The following SLC35A3 variants were observed in gnomAD, a reference collection of about 807,000 sequenced individuals.
SLC35A3 encodes the protein solute carrier family 35 member A3, also known as UDP-N-acetylglucosamine transporter.
A neutral mutation model predicts 39.0 loss-of-function variants in SLC35A3; 26 were observed. The observed-to-expected ratio is 0.67, with a 90% CI of 0.49 to 0.92. The LOEUF (loss-of-function observed/expected upper bound fraction) is 0.92, where lower values mean the gene tolerates loss of function less well. Ranked by LOEUF, SLC35A3 falls within the 40% of genes least tolerant of loss-of-function variation. The pLI is 0.00. For synonymous variants in SLC35A3, 135 were observed against 133.1 expected, an observed-to-expected ratio of 1.01 and a Z score of -0.10; for missense variants, 299 against 371.6, an observed-to-expected ratio of 0.80 and a Z score of 1.61.
chr1:100,019,728 C>G (rs1027345311), intron 7 of SLC35A3, among the ~76,000 whole-genome samples: 1 of 152,156 alleles, frequency 6.6e-6, no homozygotes, highest in Non-Finnish European at 1.5e-5. Context: ...TCCTTGCTCA[C>G]TCTCTTGGCT....
rs1322732034 is a variant in SLC35A3, at chr1:99,988,742, CTCTCTCCTCCCCT to C, written c.-18-4785_-18-4773del. Among the ~76,000 whole-genome samples, 45 of 151,132 alleles carry C rather than the reference CTCTCTCCTCCCCT, an allele frequency of 3.0e-4. No individual in the cohort carries two copies. In the East Asian group the frequency reaches 8.6e-3, roughly 29 times the overall value. ...TCTCCTCTCCCCTCCCCTTCCCCTC[CTCTCTCCTCCCCT>C]TCTCTCCTCTCTCCTATACTCTTTT... On this transcript the variant is annotated intron_variant, in intron 1 of 7. Transcript: ENST00000533028.
In SLC35A3 at chr1:100,007,176, A is replaced by C; in HGVS notation, c.465+20A>C. On this transcript the variant is annotated intron_variant, in intron 4 of 7. Transcript: ENST00000533028. ...GTACAGGTAACTATTCAAGATAAGT[A>C]TATATTTTTATCTTTATTGTGGTTT... 1 of 1,566,592 alleles carries C rather than the reference A, an allele frequency of 6.4e-7. No homozygotes were observed. The highest frequency in any genetic ancestry group is 8.7e-7 in the Non-Finnish European group (1 of 1,152,742).
At chr1:99,987,420 GT>G (rs150358059) in intron 1 of SLC35A3, among the ~76,000 whole-genome samples, 3 of 151,958 alleles carry the variant, frequency 2.0e-5, no homozygotes, top group African/African-American at 7.3e-5. Context: ...GCTTAAGATC[GT>G]TTTTTCCAAT....
chr1:99,980,047 C>CTA (rs1316623376), intron 1 of SLC35A3, among the ~76,000 whole-genome samples: 1 of 150,376 alleles, frequency 6.6e-6, no homozygotes. Context: ...CTGTCTCTCT[C>CTA]TCTCTATATA....
chr1:99,995,216 G>A (rs1007189021), intron 2 of SLC35A3, among the ~76,000 whole-genome samples: 1 of 148,940 alleles, frequency 6.7e-6, no homozygotes, highest in Non-Finnish European at 1.5e-5. Flanking sequence ...GCAGTGGCAT[G>A]ATCTTGGCTC....
chr1:99,987,915 C>T (rs1657840480), intron 1 of SLC35A3, among the ~76,000 whole-genome samples: 1 of 152,084 alleles, frequency 6.6e-6, no homozygotes, highest in African/African-American at 2.4e-5. Flanking sequence ...AGAGCTAGAG[C>T]CAAAGTTGTG....
intron 2 of SLC35A3, 134 bp from the exon 3 acceptor site, chr1:99,999,126 AT>A: frequency 1.3e-5 from 6 of 468,306 alleles, no homozygotes; most frequent in Non-Finnish European, 2.3e-5. Flanking sequence ...ATAAAGATAT[AT>A]TTTAGTCCTA....
At chr1:100,019,278 G>A (rs1470643293) in intron 7 of SLC35A3, among the ~76,000 whole-genome samples, 1 of 151,868 alleles carries the variant, frequency 6.6e-6, no homozygotes, top group Non-Finnish European at 1.5e-5. Flanking sequence ...GTAGTAGTTT[G>A]GCAATGAGAT....
intron 5 of SLC35A3, 24 bp from the exon 6 acceptor site, chr1:100,015,278 C>T: frequency 6.3e-7 from 1 of 1,576,690 alleles, no homozygotes; most frequent in Non-Finnish European, 8.6e-7. Context: ...AACGATATAT[C>T]ATGTAGACTT....
At chr1:99,992,676 CTG>C (rs1217662946) in intron 1 of SLC35A3, among the ~76,000 whole-genome samples, 1 of 152,206 alleles carries the variant, frequency 6.6e-6, no homozygotes, top group Non-Finnish European at 1.5e-5. Context: ...ATTGCAACAA[CTG>C]TGTCATCTCT....
At chr1:100,019,234 A>G (rs963769653) in intron 7 of SLC35A3, among the ~76,000 whole-genome samples, 1 of 152,120 alleles carries the variant, frequency 6.6e-6, no homozygotes, top group Non-Finnish European at 1.5e-5. Context: ...ATAAACAAAT[A>G]AATGAACAAG....
intron 7 of SLC35A3, 132 bp from the exon 8 acceptor site, chr1:100,022,254 C>G: frequency 1.8e-6 from 1 of 559,552 alleles, no homozygotes; most frequent in Non-Finnish European, 3.2e-6. Flanking sequence ...AGTAAGTACT[C>G]AAGATTTGTT....
intron 1 of SLC35A3, among the ~76,000 whole-genome samples, chr1:99,992,022 CAGGCATG>C (rs1419322380): frequency 2.0e-5 from 3 of 152,202 alleles, no homozygotes; most frequent in Non-Finnish European, 4.4e-5. Flanking sequence ...GCTGGGATTA[CAGGCATG>C]AGCCACTGCA....
chr1:99,988,196 A>G (rs1472305401), intron 1 of SLC35A3, among the ~76,000 whole-genome samples: 1 of 152,154 alleles, frequency 6.6e-6, no homozygotes, highest in Non-Finnish European at 1.5e-5. Flanking sequence ...CCCAGCCCCT[A>G]TCTGTAGGTA....
rs1215478264 is a variant in SLC35A3 at position 99,970,636 on chromosome 1, C to T, written c.-19+474C>T. 4 of 1,535,826 alleles carry T rather than the reference C, an allele frequency of 2.6e-6. No homozygotes were observed. In the African/African-American group the frequency reaches 5.5e-5, roughly 21 times the overall value. On this transcript the variant is annotated intron_variant, in intron 1 of 7. Coordinates refer to ENST00000533028, the MANE Select transcript of SLC35A3 (RefSeq NM_012243.3). ...GCAGGAACTTAAAGAAATGGAAAGGCTGCCCTTGGTAAGGCTAGTAAGAAC... is the reference window on the plus strand; with the variant it reads ...GCAGGAACTTAAAGAAATGGAAAGGTTGCCCTTGGTAAGGCTAGTAAGAAC...
In SLC35A3 at chr1:100,027,273, C is replaced by T. The variant is rs1019597820; in HGVS notation, c.*4797C>T. The T allele has an allele frequency of 5.0e-6, 2 of 398,044 alleles. No homozygotes were observed. Among genetic ancestry groups the T allele is most frequent in the Admixed American group, 8.8e-5 (2 of 22,716 alleles). The allele number at this position is 398,044 out of a possible 1,614,324, so 24.7% of individuals were successfully genotyped here. ...TTGAGGCCAGCCTGGGCAACATAGC[C>T]TTGTTTCTACAAAAAATCTTAAAAA... On this transcript the variant is annotated 3_prime_UTR_variant, in exon 8 of 8. Coordinates refer to ENST00000533028, the MANE Select transcript of SLC35A3 (RefSeq NM_012243.3).
rs966772557 is a variant in SLC35A3, at chr1:100,035,465, G to C, written c.*12989G>C. On this transcript the variant is annotated 3_prime_UTR_variant, in exon 8 of 8. Coordinates refer to ENST00000533028, the MANE Select transcript of SLC35A3 (RefSeq NM_012243.3). The stretch of plus-strand genomic sequence containing the variant: ...AAGCCTGGGACATTCTGGACATTTA[G>C]TATGTGTTAAATTTCTCTTACTACA... 6.6e-6 allele frequency: 1 copy of C among 152,162 alleles called. No homozygotes were observed. The highest frequency in any genetic ancestry group is 1.5e-5 in the Non-Finnish European group (1 of 68,040). 9.4% of individuals were successfully genotyped at this position (152,162 alleles called of 1,614,324 possible). A position where few individuals can be genotyped will look rare whatever the true frequency, so the allele number is the denominator to read the frequency against.
intron 3 of SLC35A3, among the ~76,000 whole-genome samples, chr1:100,006,277 T>C (rs1164254238): frequency 6.6e-6 from 1 of 152,124 alleles, no homozygotes; most frequent in Non-Finnish European, 1.5e-5. Flanking sequence ...ATGCAGATAC[T>C]AGCAGTGGTG....
intron 1 of SLC35A3, among the ~76,000 whole-genome samples, chr1:99,987,295 G>A (rs1657801171): frequency 6.6e-6 from 1 of 151,984 alleles, no homozygotes; most frequent in African/African-American, 2.4e-5. Context: ...ATTTCACATT[G>A]GACAAAATTG....
Sources: gnomAD v4.1 joint callset for allele counts (sites outside exome capture counted in the v4.1 genomes callset) on GRCh38, gnomAD v4.1.1 for gene constraint, MANE v1.5 for transcripts, NCBI Gene and HGNC (gene_info 2026-07-23, HGNC 2026-07-21) for gene names.